STK32C: variants seen among roughly 807,000 people sequenced by gnomAD.
STK32C encodes serine/threonine-protein kinase 32C.
STK32C carries 31 observed loss-of-function variants against 56.5 expected under a neutral mutation model. The observed-to-expected ratio is 0.55, with a 90% confidence interval of 0.41 to 0.74. The LOEUF is 0.74. STK32C is among the 30% of genes least tolerant of loss of function. The pLI is 0.00. For synonymous variants in STK32C, 309 were observed against 289.4 expected (o/e 1.07, Z -0.69); for missense variants, 544 against 676.9 (o/e 0.80, Z 2.18).
chr10:132,227,635 A>ATGGTGC (rs1439275233), intron 3 of STK32C, among the ~76,000 whole-genome samples: 2 of 151,992 alleles, frequency 1.3e-5, no homozygotes, highest in Admixed American at 6.5e-5. Flanking sequence ...GGTGATGGTG[A>ATGGTGC]TGACAGTGGT....
At position 132,296,883 on chromosome 10, in the gene STK32C, G is replaced by A. The variant is rs370755735; in HGVS notation, c.262+10689C>T. On this transcript the variant is annotated intron_variant, in intron 1 of 11. Coordinates refer to ENST00000298630, the MANE Select transcript of STK32C (RefSeq NM_173575.4). Reference sequence around the variant, plus strand: ...GCAGGCCCGCGCCCTCTGGGACGCCGAAAGCCTCTGCGGCTCTGGAAAGGA... The same window carrying A: ...GCAGGCCCGCGCCCTCTGGGACGCCAAAAGCCTCTGCGGCTCTGGAAAGGA... 1.4e-4 allele frequency among the ~76,000 whole-genome samples: 21 copies of A among 152,332 alleles called. No homozygotes were observed. In the East Asian group the frequency reaches 1.5e-3, roughly 11 times the overall value.
intron 8 of STK32C, 83 bp downstream of exon 8, chr10:132,224,324 G>T: frequency 9.9e-7 from 1 of 1,005,562 alleles, no homozygotes; most frequent in Non-Finnish European, 1.5e-6. Context: ...ACTGTGCACT[G>T]GAGGGGGTGT....
chr10:132,233,144 G>C (rs1019046899), intron 2 of STK32C, among the ~76,000 whole-genome samples: 1 of 152,248 alleles, frequency 6.6e-6, no homozygotes, highest in African/African-American at 2.4e-5. Context: ...TTCAGTGCTG[G>C]GTACCACAAA....
intron 10 of STK32C, among the ~76,000 whole-genome samples, chr10:132,220,984 G>A (rs138878690): frequency 5.4e-4 from 82 of 152,342 alleles, no homozygotes; most frequent in African/African-American, 1.9e-3. Flanking sequence ...AGTAGTTCAC[G>A]CACAGCCGGC....
intron 1 of STK32C, among the ~76,000 whole-genome samples, chr10:132,267,996 TG>T (rs1400744910): frequency 1.3e-5 from 2 of 150,402 alleles, no homozygotes; most frequent in African/African-American, 2.5e-5. Context: ...TGTGTGTGTG[TG>T]TGTCGGTGTG....
chr10:132,279,938 CCG>C (rs2065109769), intron 1 of STK32C, among the ~76,000 whole-genome samples: 2 of 135,606 alleles, frequency 1.5e-5, no homozygotes, highest in African/African-American at 2.7e-5. Context: ...GGCCTCCACA[CCG>C]TGACCACGCC....
intron 1 of STK32C, chr10:132,331,363 G>T: frequency 6.8e-7 from 1 of 1,475,000 alleles, no homozygotes. Flanking sequence ...AGGACCACGC[G>T]AGCACCTCCC....
upstream of STK32C, chr10:132,331,832 G>T (rs12784321): frequency 0.37 from 567,000 of 1,516,506 alleles, 108,271 homozygotes; most frequent in Middle Eastern, 0.39. Context: ...TCAAGGCCGC[G>T]GGCGCGGAAA....
chr10:132,305,324 A>G (rs1205141178), intron 1 of STK32C, among the ~76,000 whole-genome samples: 1 of 152,224 alleles, frequency 6.6e-6, no homozygotes, highest in East Asian at 1.9e-4. Context: ...ATTTAGTCTT[A>G]TATGTCGCAA....
chr10:132,210,781 A>C (rs2062268873), intron 10 of STK32C, among the ~76,000 whole-genome samples: 1 of 152,160 alleles, frequency 6.6e-6, no homozygotes, highest in African/African-American at 2.4e-5. Flanking sequence ...GGGTTTGGGG[A>C]GCAGCTCACG....
At chr10:132,302,082 G>A (rs1040278873) in intron 1 of STK32C, among the ~76,000 whole-genome samples, 2 of 152,208 alleles carry the variant, frequency 1.3e-5, no homozygotes, top group African/African-American at 2.4e-5. Context: ...CTGGGGGTCC[G>A]GGACAGGCAG....
chr10:132,269,740 G>A (rs2064755147), intron 1 of STK32C, among the ~76,000 whole-genome samples: 1 of 152,194 alleles, frequency 6.6e-6, no homozygotes, highest in African/African-American at 2.4e-5. Flanking sequence ...GGGCCCTGGG[G>A]TCCCCTTCAG....
rs184731472 is a variant in STK32C, at chr10:132,318,165, T to G, written c.301+13271A>C. Among the ~76,000 whole-genome samples, 555 of 146,798 alleles carry G rather than the reference T, an allele frequency of 3.8e-3. 2 individuals carry two copies. The highest frequency in any genetic ancestry group is 6.6e-3 in the Non-Finnish European group (439 of 66,498). ...CGCCTGTAGTCCCAGCTACTTGGGA[T>G]GCTGAGGCAGGAGAATCACTTTAAC... On this transcript the variant is annotated intron_variant, in intron 1 of 3. Coordinates refer to the STK32C transcript ENST00000368620.
chr10:132,264,786 G>A (rs1243630164), intron 1 of STK32C, among the ~76,000 whole-genome samples: 1 of 152,224 alleles, frequency 6.6e-6, no homozygotes, highest in Non-Finnish European at 1.5e-5. Flanking sequence ...TTCAAGACGA[G>A]TTTCCTCGGT....
intron 1 of STK32C, among the ~76,000 whole-genome samples, chr10:132,259,397 G>T (rs1172935061): frequency 6.6e-6 from 1 of 152,182 alleles, no homozygotes; most frequent in Non-Finnish European, 1.5e-5. Context: ...GAGGTGACTG[G>T]GTCAACGGGG....
intron 1 of STK32C, among the ~76,000 whole-genome samples, chr10:132,253,849 C>G (rs2064009090): frequency 6.6e-6 from 1 of 152,256 alleles, no homozygotes; most frequent in Admixed American, 6.5e-5. Flanking sequence ...AAAAAATGAT[C>G]TGCCCTCCCG....
At chr10:132,271,418 C>T (rs575317640) in intron 1 of STK32C, among the ~76,000 whole-genome samples, 2 of 152,332 alleles carry the variant, frequency 1.3e-5, no homozygotes, top group Non-Finnish European at 2.9e-5. Context: ...TCCCAGAGCC[C>T]CCAGCTCCTT....
At chr10:132,321,018 C>T (rs2066396498), downstream of STK32C, among the ~76,000 whole-genome samples, 1 of 152,148 alleles carries the variant, frequency 6.6e-6, no homozygotes, top group African/African-American at 2.4e-5. Context: ...GACTGGCTTG[C>T]CGTGTGGTTT....
Position 132,225,734 on chromosome 10 carries a change from C to T in STK32C, c.682+13G>A. Reference sequence around the variant, plus strand: ...ACCACCCACCTGGGCTGCCCACACCCAACCCCACACACCTCTCTCATCCAG... The same window carrying T: ...ACCACCCACCTGGGCTGCCCACACCTAACCCCACACACCTCTCTCATCCAG... On this transcript the variant is annotated intron_variant, in intron 5 of 11. Coordinates refer to ENST00000298630, the MANE Select transcript of STK32C (RefSeq NM_173575.4). 6.2e-7 allele frequency: 1 copy of T among 1,614,140 alleles called. No individual in the cohort carries two copies. The highest frequency in any genetic ancestry group is 1.1e-5 in the South Asian group (1 of 91,078).
Sources: gnomAD v4.1 joint callset for allele counts (sites outside exome capture counted in the v4.1 genomes callset) on GRCh38, gnomAD v4.1.1 for gene constraint, MANE v1.5 for transcripts, NCBI Gene and HGNC (gene_info 2026-07-23, HGNC 2026-07-21) for gene names.